Variants in UBE2E2 observed in about 807,000 individuals in gnomAD.
UBE2E2 encodes ubiquitin-conjugating enzyme E2 E2.
Under a neutral mutation model 24.7 loss-of-function variants are expected in UBE2E2, and 6 were observed. The observed-to-expected ratio is 0.24, with a 90% CI of 0.13 to 0.48. The LOEUF is 0.48. UBE2E2 is among the 20% of genes least tolerant of loss of function. The pLI is 0.99. For synonymous variants in UBE2E2, 104 were observed against 83.6 expected (o/e 1.24, Z -1.33); for missense variants, 169 against 245.0 (o/e 0.69, Z 2.07).
intron 3 of UBE2E2, among the ~76,000 whole-genome samples, chr3:23,488,849 A>T (rs965598924): frequency 6.6e-6 from 1 of 152,188 alleles, no homozygotes; most frequent in African/African-American, 2.4e-5. Flanking sequence ...CATAGGCCCA[A>T]GTGTTCTTAC....
At chr3:23,415,004 CTT>C (rs1192928098) in intron 3 of UBE2E2, among the ~76,000 whole-genome samples, 1 of 152,178 alleles carries the variant, frequency 6.6e-6, no homozygotes, top group Non-Finnish European at 1.5e-5. Flanking sequence ...GACATGAAGA[CTT>C]TCATGATTTT....
intron 3 of UBE2E2, among the ~76,000 whole-genome samples, chr3:23,391,870 G>T (rs1315223005): frequency 1.3e-5 from 2 of 151,692 alleles, no homozygotes; most frequent in South Asian, 2.1e-4. Flanking sequence ...AGAACGAAAG[G>T]GTGATTTAAG....
intron 3 of UBE2E2, among the ~76,000 whole-genome samples, chr3:23,323,737 TG>T (rs1694809993): frequency 6.6e-6 from 1 of 152,164 alleles, no homozygotes; most frequent in Non-Finnish European, 1.5e-5. Context: ...AGCAAACTCC[TG>T]TCCTTATTTT....
rs572050042 is a variant in UBE2E2 at position 23,508,116 on chromosome 3, C to T, written c.360+8376C>T. Among the ~76,000 whole-genome samples, 20 of 152,184 alleles carry T rather than the reference C, an allele frequency of 1.3e-4. No homozygotes were observed. The South Asian group carries it at 2.5e-3, about 19-fold the overall frequency. On this transcript the variant is annotated intron_variant, in intron 4 of 5. Transcript: ENST00000396703. ...CATGAGTCAGTTTTTCTTTTTGGTC[C>T]GTGCTCCTTTTGATAAACTTTTAAT...
intron 3 of UBE2E2, among the ~76,000 whole-genome samples, chr3:23,472,426 G>T (rs773989880): frequency 1.3e-5 from 2 of 152,216 alleles, no homozygotes; most frequent in East Asian, 3.9e-4. Context: ...CCTGGCCACC[G>T]ACAAGGGGTA....
At chr3:23,394,846 A>G (rs181203104) in intron 3 of UBE2E2, among the ~76,000 whole-genome samples, 73 of 152,314 alleles carry the variant, frequency 4.8e-4, no homozygotes, top group African/African-American at 1.7e-3. Context: ...AGTCCACTCA[A>G]TTCTTGATTG....
At chr3:23,457,268 G>A (rs1380896348) in intron 3 of UBE2E2, among the ~76,000 whole-genome samples, 2 of 152,126 alleles carry the variant, frequency 1.3e-5, no homozygotes, top group Non-Finnish European at 2.9e-5. Context: ...TGCAACTGAC[G>A]CATCTCTAGA....
intron 3 of UBE2E2, among the ~76,000 whole-genome samples, chr3:23,488,055 G>A (rs961058656): frequency 1.3e-5 from 2 of 151,790 alleles, no homozygotes; most frequent in African/African-American, 2.4e-5. Flanking sequence ...CTAGACAACT[G>A]TATGAAGAAA....
At chr3:23,247,207 T>C (rs1374190108) in intron 3 of UBE2E2, among the ~76,000 whole-genome samples, 4 of 152,140 alleles carry the variant, frequency 2.6e-5, no homozygotes, top group Non-Finnish European at 5.9e-5. Context: ...ATTTATTCTC[T>C]TTTTATTCCA....
rs545096087 is a variant in UBE2E2, at chr3:23,337,655, G to A, written c.227+120343G>A. Among the ~76,000 whole-genome samples, 946 of 152,268 alleles carry A rather than the reference G, an allele frequency of 6.2e-3. 14 individuals carry two copies. The highest frequency in any genetic ancestry group is 0.021 in the African/African-American group (874 of 41,542). ...TAGCAGGACTAAGGCGGGGATGTAGGGAGAAGGAGTACTTATAGTTTAGTG... is the reference window on the plus strand; with the variant it reads ...TAGCAGGACTAAGGCGGGGATGTAGAGAGAAGGAGTACTTATAGTTTAGTG... On this transcript the variant is annotated intron_variant, in intron 3 of 5. Transcript: ENST00000396703.
intron 3 of UBE2E2, among the ~76,000 whole-genome samples, chr3:23,469,144 C>G (rs758697613): frequency 4.6e-5 from 7 of 152,168 alleles, no homozygotes; most frequent in Non-Finnish European, 8.8e-5. Context: ...GGTGGGTTCT[C>G]TGTTCTGGGT....
intron 3 of UBE2E2, among the ~76,000 whole-genome samples, chr3:23,328,637 C>G (rs1480478061): frequency 6.7e-6 from 1 of 150,304 alleles, no homozygotes; most frequent in Non-Finnish European, 1.5e-5. Context: ...ATTCATTTAG[C>G]TAAAATGCCG....
intron 3 of UBE2E2, among the ~76,000 whole-genome samples, chr3:23,426,498 C>T (rs942961739): frequency 1.3e-5 from 2 of 151,190 alleles, no homozygotes; most frequent in African/African-American, 4.9e-5. Context: ...TGGAATGAAG[C>T]CTGATGGGGT....
intron 3 of UBE2E2, among the ~76,000 whole-genome samples, chr3:23,272,356 A>C (rs1698267253): frequency 6.6e-6 from 1 of 151,568 alleles, no homozygotes; most frequent in African/African-American, 2.4e-5. Flanking sequence ...AGAGCAACGC[A>C]CGCAGCCCGG....
chr3:23,505,025 C>T (rs1242970703), intron 4 of UBE2E2, among the ~76,000 whole-genome samples: 2 of 150,648 alleles, frequency 1.3e-5, no homozygotes, highest in African/African-American at 4.9e-5. Flanking sequence ...TTCACGTCAG[C>T]CTCCCAAGAG....
intron 3 of UBE2E2, among the ~76,000 whole-genome samples, chr3:23,431,341 ATGCTTAG>A (rs1698055783): frequency 6.6e-6 from 1 of 152,206 alleles, no homozygotes; most frequent in Admixed American, 6.5e-5. Flanking sequence ...CACTGGGGTC[ATGCTTAG>A]TGAGCTGTTC....
chr3:23,250,522 T>G (rs1697547188), intron 3 of UBE2E2, among the ~76,000 whole-genome samples: 1 of 152,212 alleles, frequency 6.6e-6, no homozygotes, highest in Admixed American at 6.5e-5. Flanking sequence ...TTAGTATTGT[T>G]TCCTCATATT....
rs571973178 is a variant in UBE2E2, at chr3:23,255,837, A to G, written c.227+38525A>G. On this transcript the variant is annotated intron_variant, in intron 3 of 5. Transcript: ENST00000396703. ...CTTCTGGCCATGTGCAGTGGTGCAT[A>G]CCTGTAGTTCTAGCTACCCTGGAGG... 2.0e-5 allele frequency among the ~76,000 whole-genome samples: 3 copies of G among 152,268 alleles called. No individual in the cohort carries two copies. The South Asian group carries it at 6.2e-4, about 32-fold the overall frequency.
At chr3:23,350,399 G>T (rs1335186848) in intron 3 of UBE2E2, among the ~76,000 whole-genome samples, 1 of 152,228 alleles carries the variant, frequency 6.6e-6, no homozygotes, top group Non-Finnish European at 1.5e-5. Context: ...TGACTTTGAT[G>T]AGTTGAGAGA....
Sources: gnomAD v4.1 joint callset for allele counts (sites outside exome capture counted in the v4.1 genomes callset) on GRCh38, gnomAD v4.1.1 for gene constraint, MANE v1.5 for transcripts, NCBI Gene and HGNC (gene_info 2026-07-23, HGNC 2026-07-21) for gene names.